IL15: variants seen among roughly 807,000 people sequenced by gnomAD.
The protein encoded by IL15 is interleukin-15.
In IL15, 11 loss-of-function variants were observed where a neutral mutation model predicts 19.6. That is an observed-to-expected ratio of 0.56 (90% CI 0.35 to 0.93). The LOEUF (loss-of-function observed/expected upper bound fraction) is 0.93, where lower values mean the gene tolerates loss of function less well. Among genes scored for constraint, IL15 ranks in the 40% least tolerant of loss-of-function variants. The pLI is 0.01. For synonymous variants in IL15, 58 were observed against 59.6 expected (o/e 0.97, Z 0.12); for missense variants, 197 against 186.5 (o/e 1.06, Z -0.33).
chr4:141,676,539 C>A (rs13104121), intron 2 of IL15, among the ~76,000 whole-genome samples: 3,361 of 152,184 alleles, frequency 0.022, 79 homozygotes, highest in Non-Finnish European at 0.03. Flanking sequence ...ACACATGGTA[C>A]TTTATGGAAG....
intron 1 of IL15, among the ~76,000 whole-genome samples, chr4:141,652,676 A>G (rs766134342): frequency 2.0e-5 from 3 of 152,130 alleles, no homozygotes; most frequent in Admixed American, 6.6e-5. Context: ...AATAATAAAC[A>G]ATTAGAAGAA....
At chr4:141,671,880 CT>C (rs750854993) in intron 2 of IL15, among the ~76,000 whole-genome samples, 3 of 152,208 alleles carry the variant, frequency 2.0e-5, no homozygotes, top group Admixed American at 6.5e-5. Flanking sequence ...CAAATTCACA[CT>C]GGAGAAGGGT....
At chr4:141,706,224 A>C (rs1444793304) in intron 2 of IL15, among the ~76,000 whole-genome samples, 2 of 151,562 alleles carry the variant, frequency 1.3e-5, no homozygotes, top group Non-Finnish European at 2.9e-5. Context: ...TCTTGTTTGT[A>C]TATGTGTTAT....
chr4:141,652,275 T>C (rs1323286116), intron 1 of IL15, among the ~76,000 whole-genome samples: 1 of 152,110 alleles, frequency 6.6e-6, no homozygotes, highest in Non-Finnish European at 1.5e-5. Flanking sequence ...ACAGGATCTC[T>C]GTTAGCTCTG....
chr4:141,731,150 A>G (rs56068480), intron 7 of IL15, among the ~76,000 whole-genome samples: 4,681 of 152,218 alleles, frequency 0.031, 232 homozygotes, highest in African/African-American at 0.11. Flanking sequence ...ACTTTTCTCT[A>G]AAAATACAAG....
intron 2 of IL15, among the ~76,000 whole-genome samples, chr4:141,680,552 T>C (rs1295652298): frequency 2.0e-5 from 3 of 152,200 alleles, no homozygotes; most frequent in Non-Finnish European, 4.4e-5. Flanking sequence ...AAATTGTCTT[T>C]ATGGGTTGCC....
At chr4:141,674,443 G>A (rs971747093) in intron 2 of IL15, among the ~76,000 whole-genome samples, 3 of 152,030 alleles carry the variant, frequency 2.0e-5, no homozygotes, top group African/African-American at 4.8e-5. Context: ...AAAATTAGCC[G>A]GATGTGGTGG....
At chr4:141,690,472 C>G (rs750024419) in intron 2 of IL15, among the ~76,000 whole-genome samples, 17 of 152,208 alleles carry the variant, frequency 1.1e-4, no homozygotes, top group Non-Finnish European at 1.9e-4. Context: ...ATCCTAGATT[C>G]TTTCTTCTCC....
intron 2 of IL15, among the ~76,000 whole-genome samples, chr4:141,675,449 C>A (rs936126214): frequency 2.6e-5 from 4 of 152,168 alleles, no homozygotes; most frequent in African/African-American, 9.7e-5. Flanking sequence ...CACTATAAGT[C>A]TCTGCATAAA....
intron 2 of IL15, among the ~76,000 whole-genome samples, chr4:141,685,840 C>T (rs777047418): frequency 6.6e-6 from 1 of 152,122 alleles, no homozygotes; most frequent in Non-Finnish European, 1.5e-5. Flanking sequence ...TTCATTATTT[C>T]TCCTTCATTT....
chr4:141,650,582 A>G (rs1324113521), intron 1 of IL15, among the ~76,000 whole-genome samples: 3 of 152,214 alleles, frequency 2.0e-5, no homozygotes, highest in East Asian at 1.9e-4. Context: ...CTAAATTTCA[A>G]TTTAACCTCT....
intron 2 of IL15, among the ~76,000 whole-genome samples, chr4:141,678,461 G>T (rs908654190): frequency 3.3e-5 from 5 of 151,020 alleles, no homozygotes; most frequent in African/African-American, 1.2e-4. Flanking sequence ...AACTGCAAAA[G>T]ATAACAAAGT....
At chr4:141,689,588 A>C (rs1034332591) in intron 2 of IL15, among the ~76,000 whole-genome samples, 1 of 152,120 alleles carries the variant, frequency 6.6e-6, no homozygotes, top group Non-Finnish European at 1.5e-5. Context: ...CCTGAGCTAG[A>C]CATAAAGGTT....
chr4:141,694,674 A>G (rs986802568), intron 2 of IL15, among the ~76,000 whole-genome samples: 1 of 152,168 alleles, frequency 6.6e-6, no homozygotes, highest in Admixed American at 6.5e-5. Context: ...GCAAATCATC[A>G]ATAGGCAGGT....
At chr4:141,702,699 G>T (rs754936174) in intron 2 of IL15, among the ~76,000 whole-genome samples, 1 of 152,234 alleles carries the variant, frequency 6.6e-6, no homozygotes, top group African/African-American at 2.4e-5. Context: ...CTCCAGCCAG[G>T]AGGTGGCGCT....
intron 1 of IL15, among the ~76,000 whole-genome samples, chr4:141,640,990 C>T (rs760260831): frequency 2.4e-4 from 36 of 152,144 alleles, no homozygotes; most frequent in Middle Eastern, 3.2e-3. Flanking sequence ...TTGTGACACA[C>T]GAAAGGAGCC....
chr4:141,666,775 G>A (rs1031356594), intron 2 of IL15, among the ~76,000 whole-genome samples: 1 of 151,894 alleles, frequency 6.6e-6, no homozygotes, highest in African/African-American at 2.4e-5. Context: ...TTGTCTGATT[G>A]TAAGTCATAA....
At chr4:141,702,063 C>G (rs1729340177) in intron 2 of IL15, among the ~76,000 whole-genome samples, 1 of 152,178 alleles carries the variant, frequency 6.6e-6, no homozygotes, top group Admixed American at 6.5e-5. Flanking sequence ...CAGGGTTGAA[C>G]AAGGATCTCT....
At chr4:141,720,845 GA>G in intron 4 of IL15, 3 of 541,718 alleles carry the variant, frequency 5.5e-6, no homozygotes, top group Non-Finnish European at 9.7e-6. Flanking sequence ...ACCACTTATT[GA>G]TAGACTACAT....
Sources: allele counts gnomAD v4.1 joint callset (sites outside exome capture counted in the v4.1 genomes callset), GRCh38; gene constraint gnomAD v4.1.1; transcripts MANE v1.5; gene names NCBI Gene and HGNC (gene_info 2026-07-23, HGNC 2026-07-21).